The following DGKB variants were observed in gnomAD, a reference collection of about 807,000 sequenced individuals.
DGKB encodes 90 kDa diacylglycerol kinase.
A neutral mutation model predicts 114.3 loss-of-function variants in DGKB; 67 were observed. That is an observed-to-expected ratio of 0.59 (90% confidence interval 0.48 to 0.72). The LOEUF is 0.72. Ranked by LOEUF, DGKB falls within the 30% of genes least tolerant of loss-of-function variation. The pLI, the probability that DGKB is intolerant of heterozygous loss-of-function variation, is 0.00. For synonymous variants in DGKB, 398 were observed against 323.1 expected (o/e 1.23, Z -2.49); for missense variants, 907 against 975.2 (o/e 0.93, Z 0.93).
chr7:14,358,898 T>A (rs1036219005), intron 21 of DGKB, among the ~76,000 whole-genome samples: 19 of 151,952 alleles, frequency 1.3e-4, no homozygotes, highest in African/African-American at 4.6e-4. Flanking sequence ...TTCAATGCCA[T>A]CCCCATCAAG....
rs540130770 is a variant in DGKB at position 14,926,180 on chromosome 7, T to C, written c.-188+48516A>G. 2.6e-5 allele frequency among the ~76,000 whole-genome samples: 4 copies of C among 152,238 alleles called. No individual in the cohort carries two copies. In the South Asian group the frequency reaches 8.3e-4, roughly 32 times the overall value. ...TCTTTAAACTGTTTCTGTGATGGAT[T>C]ACATTTCATACATTTTTTTCACTTG... On this transcript the variant is annotated intron_variant, in intron 1 of 4. Coordinates refer to the DGKB transcript ENST00000437998.
At chr7:14,474,257 A>T (rs189120565) in intron 21 of DGKB, among the ~76,000 whole-genome samples, 197 of 152,196 alleles carry the variant, frequency 1.3e-3, no homozygotes, top group African/African-American at 4.6e-3. Flanking sequence ...TGATGGTTCT[A>T]CACGGGGGAG....
At chr7:14,863,241 A>G (rs1018539078) in intron 1 of DGKB, among the ~76,000 whole-genome samples, 2 of 151,564 alleles carry the variant, frequency 1.3e-5, no homozygotes, top group Non-Finnish European at 2.9e-5. Flanking sequence ...TGTCTCTTCA[A>G]ATTTTGAGTA....
intron 23 of DGKB, among the ~76,000 whole-genome samples, chr7:14,275,459 T>C (rs192864098): frequency 3.3e-5 from 5 of 152,342 alleles, no homozygotes; most frequent in African/African-American, 1.2e-4. Context: ...TTTAAATCTT[T>C]CCACATTTTT....
At chr7:14,174,764 C>T (rs1323168671) in intron 25 of DGKB, among the ~76,000 whole-genome samples, 1 of 152,136 alleles carries the variant, frequency 6.6e-6, no homozygotes, top group African/African-American at 2.4e-5. Flanking sequence ...ATAGCATCAC[C>T]ACCATCACTA....
intron 21 of DGKB, among the ~76,000 whole-genome samples, chr7:14,372,178 G>C (rs931241704): frequency 1.3e-5 from 2 of 152,126 alleles, no homozygotes; most frequent in African/African-American, 4.8e-5. Context: ...CACAGAGGGA[G>C]ACTCTCTGTC....
Position 14,594,619 on chromosome 7 carries a change from C to A in DGKB, c.1434-11482G>T, listed in dbSNP as rs536777254. Among the ~76,000 whole-genome samples the A allele has an allele frequency of 2.6e-5, 4 of 152,136 alleles. No individual in the cohort carries two copies. In the East Asian group the frequency reaches 7.7e-4, roughly 29 times the overall value. On this transcript the variant is annotated intron_variant, in intron 17 of 25. Transcript: ENST00000402815. The stretch of plus-strand genomic sequence containing the variant: ...AAAATTAACCCCTAAAATGTAGCAG[C>A]ACAAGTGATTAGGTTGCTGAAGACT...
chr7:14,455,205 A>G (rs1832100066), intron 21 of DGKB, among the ~76,000 whole-genome samples: 1 of 152,026 alleles, frequency 6.6e-6, no homozygotes, highest in Middle Eastern at 3.2e-3. Flanking sequence ...CACAGACATA[A>G]CTTCAATATG....
chr7:14,434,589 T>C (rs1337165714), intron 21 of DGKB, among the ~76,000 whole-genome samples: 1 of 152,170 alleles, frequency 6.6e-6, no homozygotes, highest in African/African-American at 2.4e-5. Context: ...AGCAGCTCAT[T>C]GGACACTTTG....
At chr7:14,620,920 ATT>A (rs566181987) in intron 15 of DGKB, among the ~76,000 whole-genome samples, 186 of 151,848 alleles carry the variant, frequency 1.2e-3, no homozygotes, top group Non-Finnish European at 2.1e-3. Flanking sequence ...ATTACAATAC[ATT>A]CTTTATTATT....
At chr7:14,829,007 C>G (rs564932623) in intron 2 of DGKB, among the ~76,000 whole-genome samples, 1 of 151,938 alleles carries the variant, frequency 6.6e-6, no homozygotes, top group Non-Finnish European at 1.5e-5. Context: ...TATCAACAAC[C>G]TAGAAAAAAA....
intron 21 of DGKB, among the ~76,000 whole-genome samples, chr7:14,431,963 T>C (rs1285969903): frequency 1.3e-5 from 2 of 149,592 alleles, no homozygotes; most frequent in Non-Finnish European, 3.0e-5. Context: ...TTTTGCAATG[T>C]CTTGACATTT....
At chr7:14,769,242 G>GAAAGAAAGA (rs1216124962) in intron 2 of DGKB, among the ~76,000 whole-genome samples, 1 of 126,470 alleles carries the variant, frequency 7.9e-6, no homozygotes, top group Non-Finnish European at 1.6e-5. Flanking sequence ...AAGAAAGAAA[G>GAAAGAAAGA]AAAGAAAGAA....
intron 23 of DGKB, among the ~76,000 whole-genome samples, chr7:14,189,352 C>A (rs531199368): frequency 4.6e-5 from 7 of 152,226 alleles, no homozygotes; most frequent in African/African-American, 1.7e-4. Flanking sequence ...ATAGTCAATT[C>A]TAACTACAAG....
intron 13 of DGKB, among the ~76,000 whole-genome samples, chr7:14,655,802 T>A (rs1310942186): frequency 6.6e-6 from 1 of 151,638 alleles, no homozygotes; most frequent in Non-Finnish European, 1.5e-5. Flanking sequence ...TACCACATTC[T>A]TACTTATATA....
intron 21 of DGKB, among the ~76,000 whole-genome samples, chr7:14,428,713 AG>A (rs1827963663): frequency 6.6e-6 from 1 of 152,282 alleles, no homozygotes; most frequent in Non-Finnish European, 1.5e-5. Flanking sequence ...GATTAAAAAT[AG>A]GTGCACATGT....
chr7:14,729,680 TC>T (rs1472835156), intron 5 of DGKB, among the ~76,000 whole-genome samples: 1 of 152,214 alleles, frequency 6.6e-6, no homozygotes, highest in Non-Finnish European at 1.5e-5. Context: ...GTTCACCTCC[TC>T]TTTTCCTCTA....
At chr7:14,333,287 C>G (rs556254701) in intron 23 of DGKB, among the ~76,000 whole-genome samples, 12 of 151,624 alleles carry the variant, frequency 7.9e-5, no homozygotes, top group Non-Finnish European at 1.0e-4. Flanking sequence ...TGAAATACCC[C>G]TCTACTAAAA....
At chr7:14,698,227 T>G (rs1166944412) in intron 7 of DGKB, 58 bp from the exon 8 acceptor site, 13 of 1,075,366 alleles carry the variant, frequency 1.2e-5, no homozygotes, top group Middle Eastern at 2.1e-4. Flanking sequence ...GTTTTAAATC[T>G]TTCACTTGCA....
Sources: gnomAD v4.1 joint callset for allele counts (sites outside exome capture counted in the v4.1 genomes callset) on GRCh38, gnomAD v4.1.1 for gene constraint, MANE v1.5 for transcripts, NCBI Gene and HGNC (gene_info 2026-07-23, HGNC 2026-07-21) for gene names.